Variants in DLG2 observed in about 807,000 individuals in gnomAD.
DLG2 encodes discs large MAGUK scaffold protein 2, also known as disks large homolog 2.
In DLG2, 45 loss-of-function variants were observed where a neutral mutation model predicts 132.5. The observed-to-expected ratio is 0.34, with a 90% CI of 0.27 to 0.44. DLG2 has a LOEUF of 0.44. DLG2 is among the 20% of genes least tolerant of loss of function. The pLI is 1.00. For missense variants in DLG2, 1,045 were observed against 1,196.9 expected, an observed-to-expected ratio of 0.87 and a Z score of 1.87; for synonymous variants, 424 against 419.6, an observed-to-expected ratio of 1.01 and a Z score of -0.13.
chr11:84,739,019 C>T (rs1404120818), intron 6 of DLG2, among the ~76,000 whole-genome samples: 3 of 152,016 alleles, frequency 2.0e-5, no homozygotes, highest in Non-Finnish European at 1.5e-5. Context: ...AGTAGATCTA[C>T]TGCTTCCTAG....
intron 7 of DLG2, among the ~76,000 whole-genome samples, chr11:84,286,193 T>C (rs2097908285): frequency 6.6e-6 from 1 of 152,194 alleles, no homozygotes; most frequent in Non-Finnish European, 1.5e-5. Context: ...GTCCTTGTAG[T>C]CCATGCACAG....
intron 6 of DLG2, among the ~76,000 whole-genome samples, chr11:84,822,793 T>G (rs897773930): frequency 1.3e-5 from 2 of 151,962 alleles, no homozygotes; most frequent in African/African-American, 2.4e-5. Flanking sequence ...AATTATATTT[T>G]CAAGGGATTA....
intron 14 of DLG2, among the ~76,000 whole-genome samples, chr11:83,960,486 T>A (rs939723399): frequency 5.9e-5 from 9 of 152,080 alleles, no homozygotes; most frequent in African/African-American, 1.9e-4. Context: ...AATTGCCAAA[T>A]TCTTTTACAA....
chr11:84,685,253 C>T (rs1479906105), intron 6 of DLG2, among the ~76,000 whole-genome samples: 1 of 152,226 alleles, frequency 6.6e-6, no homozygotes, highest in Admixed American at 6.5e-5. Context: ...AGAAAGCTGG[C>T]CTTTCCATAT....
intron 7 of DLG2, among the ~76,000 whole-genome samples, chr11:84,517,802 G>A (rs979280069): frequency 1.3e-5 from 2 of 151,836 alleles, no homozygotes; most frequent in African/African-American, 2.4e-5. Flanking sequence ...TGTACATAAC[G>A]AAATGCTATT....
chr11:83,594,314 G>A (rs2097248569), intron 19 of DLG2, among the ~76,000 whole-genome samples: 1 of 152,216 alleles, frequency 6.6e-6, no homozygotes, highest in African/African-American at 2.4e-5. Flanking sequence ...CTCAAGCCCT[G>A]ATTGGTATGT....
chr11:85,524,972 A>G (rs1273717104), intron 3 of DLG2: 2 of 152,172 alleles, frequency 1.3e-5, no homozygotes, highest in African/African-American at 2.4e-5. Flanking sequence ...ACTGGCATAC[A>G]TTTGACAAAT....
intron 6 of DLG2, among the ~76,000 whole-genome samples, chr11:84,572,818 A>C (rs978616005): frequency 1.3e-5 from 2 of 152,102 alleles, no homozygotes; most frequent in Non-Finnish European, 2.9e-5. Flanking sequence ...TCAGTGTTCC[A>C]TCACTGTCAT....
chr11:83,963,675 T>A (rs955907115), intron 13 of DLG2, among the ~76,000 whole-genome samples: 1 of 152,010 alleles, frequency 6.6e-6, no homozygotes, highest in Non-Finnish European at 1.5e-5. Flanking sequence ...ATTGTTGTTA[T>A]GTATTTAATA....
intron 7 of DLG2, among the ~76,000 whole-genome samples, chr11:84,350,175 C>CCT (rs2098556934): frequency 8.2e-6 from 1 of 121,776 alleles, no homozygotes; most frequent in Non-Finnish European, 1.8e-5. Context: ...GAGACTTCGT[C>CCT]CCCCCCCCCA....
At chr11:84,976,024 T>C (rs1046513394) in intron 6 of DLG2, among the ~76,000 whole-genome samples, 3 of 152,202 alleles carry the variant, frequency 2.0e-5, no homozygotes, top group Non-Finnish European at 4.4e-5. Context: ...TCAAATATCC[T>C]GTCTCCAACA....
intron 6 of DLG2, among the ~76,000 whole-genome samples, chr11:85,045,190 C>T (rs1473702027): frequency 1.3e-5 from 2 of 152,062 alleles, no homozygotes; most frequent in Non-Finnish European, 1.5e-5. Context: ...TAGTTCATTA[C>T]TGGTTGCAAT....
intron 18 of DLG2, 67 bp from the exon 19 acceptor site, chr11:83,633,392 C>T: frequency 6.2e-6 from 8 of 1,285,326 alleles, no homozygotes; most frequent in Non-Finnish European, 8.9e-6. Context: ...GCTGCACAGC[C>T]CAGGCAGCCC....
intron 6 of DLG2, among the ~76,000 whole-genome samples, chr11:84,630,377 T>TC (rs2099629481): frequency 6.6e-6 from 1 of 152,156 alleles, no homozygotes; most frequent in Admixed American, 6.5e-5. Flanking sequence ...CTATGACTCC[T>TC]CCTTTGATCT....
intron 7 of DLG2, among the ~76,000 whole-genome samples, chr11:84,471,058 T>A (rs1025960573): frequency 1.2e-4 from 18 of 151,650 alleles, no homozygotes; most frequent in African/African-American, 4.4e-4. Context: ...ACTGCCTTTC[T>A]CAAGACCATC....
chr11:85,047,230 C>T (rs897584421), intron 6 of DLG2, among the ~76,000 whole-genome samples: 3 of 151,786 alleles, frequency 2.0e-5, no homozygotes, highest in African/African-American at 4.8e-5. Context: ...GATTGTTGTC[C>T]CTCGATTTTA....
At chr11:83,529,572 A>G (rs1340278151) in intron 21 of DLG2, among the ~76,000 whole-genome samples, 2 of 137,160 alleles carry the variant, frequency 1.5e-5, no homozygotes, top group East Asian at 2.0e-4. Flanking sequence ...CAATCATGGC[A>G]CTCTTTTTTT....
intron 6 of DLG2, among the ~76,000 whole-genome samples, chr11:85,039,714 G>T (rs1340951037): frequency 2.0e-5 from 3 of 151,248 alleles, no homozygotes; most frequent in Non-Finnish European, 4.4e-5. Flanking sequence ...TAAAAAAAAA[G>T]TACAAATTTG....
intron 6 of DLG2, among the ~76,000 whole-genome samples, chr11:85,040,356 T>A (rs989109997): frequency 2.0e-4 from 30 of 151,962 alleles, no homozygotes; most frequent in Admixed American, 2.0e-3. Context: ...TACCGTGTAA[T>A]GTTATGTTAT....
Sources: allele counts gnomAD v4.1 joint callset (sites outside exome capture counted in the v4.1 genomes callset), GRCh38; gene constraint gnomAD v4.1.1; transcripts MANE v1.5; gene names NCBI Gene and HGNC (gene_info 2026-07-23, HGNC 2026-07-21).